Variants in PASK observed in about 807,000 individuals in gnomAD.
PASK encodes PAS domain containing serine/threonine kinase.
Under a neutral mutation model 121.0 loss-of-function variants are expected in PASK, and 110 were observed. The observed-to-expected ratio is 0.91, with a 90% confidence interval of 0.78 to 1.06. PASK has a LOEUF of 1.06. Among genes scored for constraint, PASK ranks in the 50% least tolerant of loss-of-function variants. PASK has a pLI of 0.00. For missense variants in PASK, 1,643 were observed against 1,702.3 expected, an observed-to-expected ratio of 0.97 and a Z score of 0.61; for synonymous variants, 686 against 717.8, an observed-to-expected ratio of 0.96 and a Z score of 0.71.
intron 9 of PASK, among the ~76,000 whole-genome samples, chr2:241,129,315 C>T (rs751382594): frequency 8.5e-5 from 13 of 152,170 alleles, no homozygotes; most frequent in Non-Finnish European, 1.8e-4. Context: ...CCTCAGTACC[C>T]GTTCTCTCCA....
Position 241,106,699 on chromosome 2 carries a change from C to A in PASK, c.3839G>T (p.Ser1280Ile), listed in dbSNP as rs1205946646. The A allele has an allele frequency of 6.2e-7, 1 of 1,614,092 alleles. No individual in the cohort carries two copies. Among genetic ancestry groups the A allele is most frequent in the African/African-American group, 1.3e-5 (1 of 74,942 alleles). The part of the protein sequence containing the change: ...KPESGVLSAA[S>I]LEMGNRSLSD... ...CAGGCTCCTGTTCCCCATCTCCAGG[C>A]TCGCAGCGGACAGAACTCCACTTTC... is the stretch of plus-strand genomic sequence containing the variant. The change falls in exon 18 of 18, where the codon AGC (serine) becomes ATC (isoleucine). Residue 1280 changes from serine to isoleucine, a missense_variant. Physicochemically the swap from Ser to Ile is moderately radical, Grantham distance 142. This residue lies in a region of PASK where 453 missense variants were observed against 511.2 expected (regional missense o/e 0.89). Coordinates refer to ENST00000234040, the MANE Select transcript of PASK (RefSeq NM_015148.4).
intron 4 of PASK, chr2:241,139,543 C>A (rs2066601239): frequency 1.8e-6 from 1 of 543,334 alleles, no homozygotes; most frequent in Non-Finnish European, 3.6e-6. Flanking sequence ...GACAATAAAA[C>A]CATATTACTC....
At chr2:241,131,806 A>C (rs2066147368) in intron 9 of PASK, among the ~76,000 whole-genome samples, 1 of 152,192 alleles carries the variant, frequency 6.6e-6, no homozygotes. Context: ...CTGTAATCCC[A>C]GGACTTTGGG....
At position 241,139,996 on chromosome 2, in the gene PASK, A is replaced by C. The variant is rs146285779; in HGVS notation, c.489T>G (p.Ile163Met). ...GAAAGAACTGCGTGAGCTTCTGGCCAATCAGGTCCTGGCTGCTGTACCCCA... is the reference window on the plus strand; with the variant it reads ...GAAAGAACTGCGTGAGCTTCTGGCCCATCAGGTCCTGGCTGCTGTACCCCA... Reference protein sequence around the residue: ...GLLGYSSQDLIGQKLTQFFLR... With the variant: ...GLLGYSSQDLMGQKLTQFFLR... The change falls in exon 4 of 18, where the codon ATT (isoleucine) becomes ATG (methionine). Residue 163 changes from isoleucine to methionine, a missense_variant. Ile to Met is a conservative substitution (Grantham distance 10). Transcript: ENST00000234040. The C allele has an allele frequency of 4.3e-6, 7 of 1,613,958 alleles. No homozygotes were observed. The highest frequency in any genetic ancestry group is 4.0e-5 in the African/African-American group (3 of 74,950).
intron 12 of PASK, among the ~76,000 whole-genome samples, chr2:241,116,155 C>G (rs1251628265): frequency 7.2e-6 from 1 of 138,040 alleles, no homozygotes; most frequent in Non-Finnish European, 1.5e-5. Flanking sequence ...CTCAAGCATC[C>G]CATTCCACCA....
chr2:241,122,504 G>C (rs1156721250), intron 12 of PASK, among the ~76,000 whole-genome samples: 1 of 152,234 alleles, frequency 6.6e-6, no homozygotes, highest in Admixed American at 6.5e-5. Flanking sequence ...AGCCTGGCCT[G>C]TTCGAGGTCT....
At chr2:241,127,883 A>C in intron 9 of PASK, 1 of 287,110 alleles carries the variant, frequency 3.5e-6, no homozygotes, top group Non-Finnish European at 6.7e-6. Context: ...ACAGTAAAAA[A>C]ACAACTGATT....
intron 2 of PASK, among the ~76,000 whole-genome samples, chr2:241,141,707 C>T (rs1267374578): frequency 2.6e-5 from 4 of 152,198 alleles, no homozygotes; most frequent in Non-Finnish European, 5.9e-5. Flanking sequence ...CAGATACATT[C>T]TTCCAGTGCT....
chr2:241,127,890 G>A, intron 9 of PASK: 2 of 281,714 alleles, frequency 7.1e-6, no homozygotes, highest in South Asian at 6.9e-5. Flanking sequence ...AAAAACAACT[G>A]ATTGACTACA....
intron 8 of PASK, 152 bp downstream of exon 8, chr2:241,135,719 C>T (rs1164346493): frequency 3.2e-6 from 2 of 634,114 alleles, no homozygotes; most frequent in Non-Finnish European, 5.5e-6. Flanking sequence ...GAACATCAAA[C>T]CAGAAAACAG....
Position 241,140,715 on chromosome 2 carries a change from C to T in PASK, c.235G>A (p.Ala79Thr), listed in dbSNP as rs1026221667. 1 of 1,613,912 alleles carries T rather than the reference C, an allele frequency of 6.2e-7. No homozygotes were observed. Among genetic ancestry groups the T allele is most frequent in the Non-Finnish European group, 8.5e-7 (1 of 1,179,774 alleles). Residue 79 changes from alanine to threonine, a missense_variant, in exon 3 of 18, where the codon GCC (alanine) becomes ACC (threonine). Physicochemically the swap from Ala to Thr is moderately conservative, Grantham distance 58. This residue lies in a region of PASK where 1,176 missense variants were observed against 1,162.2 expected (regional missense o/e 1.01). Transcript: ENST00000234040. ...WSSYCLSSLA[A>T]QNICTSKLHC... ...AGTTTACTTGTACAAATATTCTGGG[C>T]AGCCAGTGATGATAGACAATAGGAG...
chr2:241,135,946 C>A lies in PASK; in HGVS notation c.1231G>T (p.Val411Phe), dbSNP rs763340627. The A allele has an allele frequency of 2.5e-6, 4 of 1,614,142 alleles. No homozygotes were observed. ...TCCCCACACCCACTCTCATTGCCGACGTCCAGGCAGCTGGCCAGGTCTGGG... is the reference window on the plus strand; with the variant it reads ...TCCCCACACCCACTCTCATTGCCGAAGTCCAGGCAGCTGGCCAGGTCTGGG... ...QLPDLASCLD[V>F]GNESGCGERT... The change falls in exon 8 of 18, where the codon GTC (valine) becomes TTC (phenylalanine). Residue 411 changes from valine (V) to phenylalanine (F), a missense_variant. Val to Phe is a conservative substitution (Grantham distance 50). Coordinates refer to ENST00000234040, the MANE Select transcript of PASK (RefSeq NM_015148.4).
rs2066563998 is a variant in PASK at position 241,138,781 on chromosome 2, C to G, written c.614G>C (p.Ser205Thr). 2 of 1,613,968 alleles carry G rather than the reference C, an allele frequency of 1.2e-6. No homozygotes were observed. Among genetic ancestry groups the G allele is most frequent in the Non-Finnish European group, 1.7e-6 (2 of 1,180,044 alleles). The change falls in exon 5 of 18, where the codon AGC becomes ACC. Residue 205 changes from serine to threonine, a missense_variant. By Grantham distance (58) the Ser-to-Thr change is moderately conservative. Transcript: ENST00000234040. ...VVFGTVVDII[S>T]RSGEKIPVSV... ...CACTGGAATCTTCTCCCCACTACGG[C>G]TGATGATGTCCACCTGTGGAAACAG...
chr2:241,116,936 A>T (rs2065399102), intron 12 of PASK, among the ~76,000 whole-genome samples: 1 of 152,222 alleles, frequency 6.6e-6, no homozygotes, highest in African/African-American at 2.4e-5. Context: ...GCGGGGGTGC[A>T]GCCCCTGCGA....
chr2:241,127,841 G>A (rs2065950450), intron 9 of PASK: 2 of 347,212 alleles, frequency 5.8e-6, no homozygotes, highest in Admixed American at 4.1e-5. Context: ...GGAAACGAGA[G>A]AGAGATTGGA....
At chr2:241,149,060 G>A (rs1411515556) in intron 1 of PASK, among the ~76,000 whole-genome samples, 1 of 152,108 alleles carries the variant, frequency 6.6e-6, no homozygotes, top group Non-Finnish European at 1.5e-5. Context: ...TTCTCCTGGA[G>A]CTCGCCCCGC....
intron 12 of PASK, among the ~76,000 whole-genome samples, chr2:241,119,482 T>TC: frequency 6.6e-6 from 1 of 151,296 alleles, no homozygotes; most frequent in East Asian, 1.9e-4. Flanking sequence ...TTTTTTTTTT[T>TC]TTTGGAGACA....
intron 1 of PASK, among the ~76,000 whole-genome samples, chr2:241,145,159 T>C (rs2066896140): frequency 6.6e-6 from 1 of 152,174 alleles, no homozygotes; most frequent in African/African-American, 2.4e-5. Flanking sequence ...GTGATCCACC[T>C]GCTGCGGCCT....
Position 241,128,513 on chromosome 2 carries a change from A to G in PASK, c.1464-1062T>C, listed in dbSNP as rs1440213992. On this transcript the variant is annotated intron_variant, in intron 9 of 17. Transcript: ENST00000234040. ...TGACACTGGGCACCAGATGCACAGA[A>G]TGTGACCGCACCACCTCACTCGGGG... is the stretch of plus-strand genomic sequence containing the variant. 2.6e-5 allele frequency among the ~76,000 whole-genome samples: 4 copies of G among 152,188 alleles called. No homozygotes were observed. The East Asian group carries it at 7.7e-4, about 29-fold the overall frequency.
Sources: gnomAD v4.1 joint callset for allele counts (sites outside exome capture counted in the v4.1 genomes callset) on GRCh38, gnomAD v4.1.1 for gene constraint, gnomAD v4.1.1 regional missense constraint, MANE v1.5 for transcripts, NCBI Gene and HGNC (gene_info 2026-07-23, HGNC 2026-07-21) for gene names.